The following LRIF1 variants were observed in gnomAD, a reference collection of about 807,000 sequenced individuals.
LRIF1 encodes the protein ligand-dependent nuclear receptor-interacting factor 1.
Under a neutral mutation model 52.7 loss-of-function variants are expected in LRIF1, and 32 were observed. That is an observed-to-expected ratio of 0.61 (90% CI 0.46 to 0.82). The LOEUF (loss-of-function observed/expected upper bound fraction) is 0.82, where lower values mean the gene tolerates loss of function less well. LRIF1 is among the 40% of genes least tolerant of loss of function. LRIF1 has a pLI of 0.00. For missense variants in LRIF1, 887 were observed against 892.0 expected (o/e 0.99, Z 0.07); for synonymous variants, 323 against 317.4 (o/e 1.02, Z -0.19).
Position 110,952,486 on chromosome 1 carries a change from G to A in LRIF1, c.398C>T (p.Ser133Phe). Reference protein sequence around the residue: ...VGTGNFSSSVSKVQSHGVKID... With the variant: ...VGTGNFSSSVFKVQSHGVKID... ...TTTCACACCATGACTCTGAACTTTA[G>A]AAACTGATGAAGAAAAATTTCCAGT... Residue 133 changes from serine (S) to phenylalanine (F), a missense_variant, in exon 2 of 4, where the codon TCT becomes TTT. By Grantham distance (155) the Ser-to-Phe change is radical. Coordinates refer to ENST00000369763, the MANE Select transcript of LRIF1 (RefSeq NM_018372.4). 1 of 1,613,336 alleles carries A rather than the reference G, an allele frequency of 6.2e-7. No individual in the cohort carries two copies. The highest frequency in any genetic ancestry group is 8.5e-7 in the Non-Finnish European group (1 of 1,179,360).
At chr1:110,892,785 T>C in the LRIF1 span, 1 of 422,246 alleles carries the variant, frequency 2.4e-6, no homozygotes, top group Non-Finnish European at 4.2e-6. Context: ...CTTTTGTCAT[T>C]ATTGTAATTC....
Position 110,947,939 on chromosome 1 carries a change from T to A in LRIF1, c.*20A>T. The A allele has an allele frequency of 6.4e-7, 1 of 1,551,642 alleles. No homozygotes were observed. Among genetic ancestry groups the A allele is most frequent in the Non-Finnish European group, 8.7e-7 (1 of 1,153,338 alleles). ...ATATTTTAAAAAACAGCTATTTCAC[T>A]GAAGTCTTTACAGGAGATTTTATTT... On this transcript the variant is annotated 3_prime_UTR_variant, in exon 4 of 4. Coordinates refer to ENST00000369763, the MANE Select transcript of LRIF1 (RefSeq NM_018372.4).
chr1:110,899,107 C>A, the LRIF1 span: 4 of 1,609,814 alleles, frequency 2.5e-6, no homozygotes, highest in Non-Finnish European at 3.4e-6. Context: ...TTCAAATTTT[C>A]CCAACTCTTT....
chr1:110,893,533 G>A, the LRIF1 span, among the ~76,000 whole-genome samples: 2 of 152,200 alleles, frequency 1.3e-5, no homozygotes, highest in Admixed American at 1.3e-4. Context: ...TATTGGTCAA[G>A]CTGGTCTCTA....
the LRIF1 span, among the ~76,000 whole-genome samples, chr1:110,911,274 C>G: frequency 6.6e-6 from 1 of 151,916 alleles, no homozygotes; most frequent in East Asian, 1.9e-4. Context: ...TAGAAGCATA[C>G]AACCTCCCAA....
At chr1:110,910,046 A>T in the LRIF1 span, among the ~76,000 whole-genome samples, 1 of 152,194 alleles carries the variant, frequency 6.6e-6, no homozygotes, top group African/African-American at 2.4e-5. Context: ...GCTCTTAGAG[A>T]CCTACCAAGA....
At chr1:110,936,317 G>C in the LRIF1 span, 1 of 152,128 alleles carries the variant, frequency 6.6e-6, no homozygotes, top group East Asian at 1.9e-4. Context: ...CACTGTAACT[G>C]TGGTATGTAA....
At chr1:110,939,826 A>C in the LRIF1 span, 1 of 152,242 alleles carries the variant, frequency 6.6e-6, no homozygotes, top group East Asian at 1.9e-4. Context: ...CATATACAAA[A>C]GTCATATACA....
chr1:110,951,162 T>G, intron 2 of LRIF1, 126 bp downstream of exon 2: 1 of 746,808 alleles, frequency 1.3e-6, no homozygotes, highest in South Asian at 1.9e-5. Flanking sequence ...TACTCATATG[T>G]GTATAGTCTG....
In LRIF1 at chr1:110,947,974, C is replaced by A. The variant is rs1374387025; in HGVS notation, c.2295G>T (p.Lys765Asn). The change falls in exon 4 of 4, where the codon AAG (lysine) becomes AAT (asparagine). Residue 765 changes from lysine (K) to asparagine (N), a missense_variant. Lys to Asn is a moderately conservative substitution (Grantham distance 94, BLOSUM62 0). Coordinates refer to ENST00000369763, the MANE Select transcript of LRIF1 (RefSeq NM_018372.4). ...ACAGGAGATTTTATTTTTGGTGCAT[C>A]TTCTTACGCATTTCTTCAAGAGCTG... Reference protein sequence around the residue: ...KEAALEEMRKKMHQK With the variant: ...KEAALEEMRKNMHQK 6.4e-7 allele frequency: 1 copy of A among 1,573,038 alleles called. No individual in the cohort carries two copies. Among genetic ancestry groups the A allele is most frequent in the Non-Finnish European group, 8.6e-7 (1 of 1,163,682 alleles).
chr1:110,920,492 T>C, the LRIF1 span, among the ~76,000 whole-genome samples: 5 of 152,026 alleles, frequency 3.3e-5, no homozygotes, highest in Admixed American at 6.6e-5. Flanking sequence ...AAAACAATGG[T>C]GACAATAAAA....
At chr1:110,958,462 T>TTA (rs2101120483) in intron 1 of LRIF1, among the ~76,000 whole-genome samples, 1 of 1,140 alleles carries the variant, frequency 8.8e-4, no homozygotes, top group East Asian at 0.05. Flanking sequence ...TTTTTTAAAA[T>TTA]GAGTATTGTT....
chr1:110,951,219 T>C, intron 2 of LRIF1, 69 bp downstream of exon 2: 2 of 1,271,814 alleles, frequency 1.6e-6, no homozygotes, highest in African/African-American at 1.5e-5. Flanking sequence ...ATAGATAACT[T>C]TGAGAATTAA....
the LRIF1 span, among the ~76,000 whole-genome samples, chr1:110,925,937 TA>T: frequency 4.6e-5 from 7 of 151,922 alleles, no homozygotes; most frequent in African/African-American, 1.7e-4. Flanking sequence ...ATCAAGCAAA[TA>T]AAAGAATAAA....
intron 1 of LRIF1, among the ~76,000 whole-genome samples, chr1:110,956,092 C>A (rs1658686706): frequency 6.6e-6 from 1 of 152,106 alleles, no homozygotes; most frequent in Non-Finnish European, 1.5e-5. Context: ...TGAAAAATCA[C>A]ATGACATCAT....
the LRIF1 span, among the ~76,000 whole-genome samples, chr1:110,914,482 C>T: frequency 6.6e-6 from 1 of 152,068 alleles, no homozygotes. Context: ...ATAATGCAAA[C>T]AAAAACCACA....
At chr1:110,909,573 C>CTTT in the LRIF1 span, among the ~76,000 whole-genome samples, 576 of 78,000 alleles carry the variant, frequency 7.4e-3, 6 homozygotes, top group South Asian at 0.015. Flanking sequence ...GCAGGGGTAG[C>CTTT]TTTTTTTTTT....
chr1:110,912,199 T>C, the LRIF1 span, among the ~76,000 whole-genome samples: 1 of 152,140 alleles, frequency 6.6e-6, no homozygotes. Flanking sequence ...TTCTTTTTTT[T>C]CTTTCTTTCC....
chr1:110,942,068 T>C, the LRIF1 span: 3 of 152,094 alleles, frequency 2.0e-5, no homozygotes, highest in Admixed American at 6.5e-5. Flanking sequence ...ATTCTTTTCT[T>C]ATACCTATTT....
Sources: allele counts gnomAD v4.1 joint callset (sites outside exome capture counted in the v4.1 genomes callset), GRCh38; gene constraint gnomAD v4.1.1; transcripts MANE v1.5; gene names NCBI Gene and HGNC (gene_info 2026-07-23, HGNC 2026-07-21).